CLASP1: variants seen among roughly 807,000 people sequenced by gnomAD.
CLASP1 encodes cytoplasmic linker associated protein 1.
Under a neutral mutation model 192.3 loss-of-function variants are expected in CLASP1, and 38 were observed. The ratio of observed to expected loss-of-function variants is 0.20; its 90% CI spans 0.15 to 0.26. The LOEUF (loss-of-function observed/expected upper bound fraction) is 0.26, where lower values mean the gene tolerates loss of function less well. Ranked by LOEUF, CLASP1 falls within the 10% of genes least tolerant of loss-of-function variation. The probability of loss-of-function intolerance (pLI) is 1.00; values close to 1 mark genes in which losing one functional copy is unlikely to be tolerated. For synonymous variants in CLASP1, 691 were observed against 712.8 expected (o/e 0.97, Z 0.49); for missense variants, 1,433 against 1,932.5 (o/e 0.74, Z 4.85).
chr2:121,595,351 T>A (rs2063009948), intron 2 of CLASP1, among the ~76,000 whole-genome samples: 3 of 152,228 alleles, frequency 2.0e-5, no homozygotes, highest in African/African-American at 7.2e-5. Context: ...GCAAAACACT[T>A]AACAGTGTCT....
At chr2:121,601,236 G>A (rs1217148674) in intron 2 of CLASP1, among the ~76,000 whole-genome samples, 1 of 151,766 alleles carries the variant, frequency 6.6e-6, no homozygotes, top group Non-Finnish European at 1.5e-5. Context: ...TAACAACCAT[G>A]GCTAACATCT....
intron 9 of CLASP1, among the ~76,000 whole-genome samples, chr2:121,467,559 T>C (rs1023963647): frequency 1.3e-5 from 2 of 152,218 alleles, no homozygotes; most frequent in Non-Finnish European, 2.9e-5. Context: ...TAATCAGTGA[T>C]GTTGAGCTTT....
chr2:121,370,811 G>A (rs1403304753), intron 34 of CLASP1, among the ~76,000 whole-genome samples: 3 of 152,086 alleles, frequency 2.0e-5, no homozygotes, highest in African/African-American at 7.2e-5. Context: ...CCCAGGCCTT[G>A]CCCTCTTTAT....
chr2:121,352,335 G>A (rs2064621641), intron 37 of CLASP1, among the ~76,000 whole-genome samples: 1 of 152,232 alleles, frequency 6.6e-6, no homozygotes, highest in Non-Finnish European at 1.5e-5. Context: ...GGACGGCATT[G>A]ACTCCATGCA....
chr2:121,387,339 G>A, intron 31 of CLASP1, 111 bp from the exon 33 acceptor site: 1 of 780,584 alleles, frequency 1.3e-6, no homozygotes, highest in Non-Finnish European at 1.9e-6. Context: ...AATCTGCCCA[G>A]GATGGTTTTT....
chr2:121,361,223 G>A (rs1224998118), intron 37 of CLASP1, among the ~76,000 whole-genome samples: 3 of 152,208 alleles, frequency 2.0e-5, no homozygotes, highest in African/African-American at 7.2e-5. Flanking sequence ...TACTCAGGGG[G>A]CTAAGGCAGG....
intron 37 of CLASP1, among the ~76,000 whole-genome samples, chr2:121,360,091 T>G (rs1558865524): frequency 1.3e-5 from 2 of 152,232 alleles, no homozygotes; most frequent in Non-Finnish European, 2.9e-5. Flanking sequence ...TGCAGTCACA[T>G]AGTCAGAGCC....
chr2:121,362,105 C>T (rs986739052), intron 37 of CLASP1, among the ~76,000 whole-genome samples: 1 of 152,242 alleles, frequency 6.6e-6, no homozygotes, highest in African/African-American at 2.4e-5. Flanking sequence ...TTCCCTTCAT[C>T]CACGAGTGTG....
chr2:121,516,634 T>C (rs1301256266), intron 6 of CLASP1, among the ~76,000 whole-genome samples: 1 of 152,262 alleles, frequency 6.6e-6, no homozygotes, highest in Non-Finnish European at 1.5e-5. Context: ...CATCACTGTA[T>C]CCATGTTAAA....
intron 26 of CLASP1, 124 bp downstream of exon 27, chr2:121,404,247 C>T (rs896095973): frequency 4.1e-5 from 60 of 1,454,848 alleles, no homozygotes; most frequent in Non-Finnish European, 5.0e-5. Flanking sequence ...GTGCTGAAAC[C>T]GGTGTGACTC....
At chr2:121,357,350 T>C (rs1315515632) in intron 37 of CLASP1, among the ~76,000 whole-genome samples, 1 of 152,186 alleles carries the variant, frequency 6.6e-6, no homozygotes, top group East Asian at 1.9e-4. Flanking sequence ...TTTTCAACAA[T>C]GTCAACCACC....
intron 6 of CLASP1, among the ~76,000 whole-genome samples, chr2:121,522,270 C>T (rs1460501172): frequency 1.3e-5 from 2 of 152,086 alleles, no homozygotes; most frequent in Non-Finnish European, 1.5e-5. Flanking sequence ...TGAAAGCTGC[C>T]CGTAGAGTAC....
intron 32 of CLASP1, 119 bp from the exon 34 acceptor site, chr2:121,382,443 A>G (rs2071936641): frequency 1.5e-6 from 1 of 658,280 alleles, no homozygotes; most frequent in African/African-American, 1.9e-5. Flanking sequence ...AAGTTCTATT[A>G]AAGTTAATCA....
intron 2 of CLASP1, among the ~76,000 whole-genome samples, chr2:121,589,891 T>A (rs1470480244): frequency 1.3e-5 from 2 of 151,810 alleles, no homozygotes; most frequent in African/African-American, 4.8e-5. Context: ...CCCAAATAGA[T>A]CCATTTCAAT....
intron 2 of CLASP1, among the ~76,000 whole-genome samples, chr2:121,586,836 A>G (rs1053127373): frequency 7.9e-5 from 12 of 152,190 alleles, no homozygotes; most frequent in Admixed American, 2.0e-4. Flanking sequence ...TGTGAAGCGC[A>G]CTGCTTTCTC....
chr2:121,616,164 G>T (rs551434018), intron 1 of CLASP1, among the ~76,000 whole-genome samples: 13 of 152,008 alleles, frequency 8.6e-5, no homozygotes, highest in Non-Finnish European at 1.6e-4. Context: ...AATCTCCCTG[G>T]GGCCAGGTGC....
intron 7 of CLASP1, among the ~76,000 whole-genome samples, chr2:121,514,302 C>A (rs1344228380): frequency 2.0e-5 from 3 of 152,214 alleles, no homozygotes; most frequent in Non-Finnish European, 4.4e-5. Context: ...CAGGGTTTCA[C>A]TCTCGAGACC....
chr2:121,617,854 A>G lies in CLASP1; in HGVS notation c.-285-11674T>C, dbSNP rs563094341. Among the ~76,000 whole-genome samples the G allele has an allele frequency of 2.6e-5, 4 of 152,212 alleles. No homozygotes were observed. The South Asian group carries it at 8.3e-4, about 32-fold the overall frequency. On this transcript the variant is annotated intron_variant, in intron 1 of 39. Transcript: ENST00000263710. ...ATGCTTATAAACTGATGTCTCCCAAATTTGTATCTCCAAGCCAAATACCTC... is the reference window on the plus strand; with the variant it reads ...ATGCTTATAAACTGATGTCTCCCAAGTTTGTATCTCCAAGCCAAATACCTC...
intron 2 of CLASP1, chr2:121,530,890 T>TG: frequency 1.4e-6 from 1 of 693,700 alleles, no homozygotes; most frequent in Non-Finnish European, 2.6e-6. Context: ...AACCATCCTT[T>TG]TCTTGGGGTT....
Sources: allele counts gnomAD v4.1 joint callset (sites outside exome capture counted in the v4.1 genomes callset), GRCh38; gene constraint gnomAD v4.1.1; transcripts MANE v1.5; gene names NCBI Gene and HGNC (gene_info 2026-07-23, HGNC 2026-07-21).